FBN3: variants seen among roughly 807,000 people sequenced by gnomAD.
FBN3 encodes fibrillin 3.
Under a neutral mutation model 330.1 loss-of-function variants are expected in FBN3, and 234 were observed. The observed-to-expected ratio is 0.71, with a 90% CI of 0.64 to 0.79. The LOEUF is 0.79. Ranked by LOEUF, FBN3 falls within the 30% of genes least tolerant of loss-of-function variation. The pLI is 0.00. For missense variants in FBN3, 3,606 were observed against 3,886.9 expected, an observed-to-expected ratio of 0.93 and a Z score of 1.92; for synonymous variants, 1,458 against 1,517.3, an observed-to-expected ratio of 0.96 and a Z score of 0.91.
intron 47 of FBN3, 38 bp from the exon 48 acceptor site, chr19:8,091,628 T>C (rs766953086): frequency 1.2e-6 from 2 of 1,609,276 alleles, no homozygotes; most frequent in Non-Finnish European, 1.7e-6. Flanking sequence ...GGGGGGCAAG[T>C]AGGACCTCCA....
chr19:8,081,420 C>T lies in FBN3; in HGVS notation c.7274G>A (p.Gly2425Asp). ...TCGGGGACAGCTGCACAGGAAACTG[C>T]CCTTCGTGTTTTTGCAGAGGAAGGT... ...PCTFLCKNTK[G>D]SFLCSCPRGY... is the part of the protein sequence containing the mutation. Residue 2425 changes from glycine (G) to aspartate (D), a missense_variant, in exon 58 of 64, where the codon GGC (glycine) becomes GAC (aspartate). Transcript: ENST00000600128. The T allele has an allele frequency of 6.2e-7, 1 of 1,612,576 alleles. No homozygotes were observed. Among genetic ancestry groups the T allele is most frequent in the Non-Finnish European group, 8.5e-7 (1 of 1,179,314 alleles).
At chr19:8,141,644 T>C in intron 8 of FBN3, 73 bp downstream of exon 8, 5 of 1,529,734 alleles carry the variant, frequency 3.3e-6, no homozygotes, top group Middle Eastern at 2.2e-4. Flanking sequence ...TCTGCCTTCC[T>C]GCAGGGGAGC....
intron 45 of FBN3, 70 bp downstream of exon 45, chr19:8,095,894 A>G: frequency 1.0e-6 from 1 of 990,180 alleles, no homozygotes; most frequent in South Asian, 1.4e-5. Context: ...TCTGTGGCCA[A>G]TTTCTAGATT....
chr19:8,090,067 T>A, intron 49 of FBN3, 32 bp downstream of exon 49: 1 of 1,609,540 alleles, frequency 6.2e-7, no homozygotes. Context: ...GGGCACATCA[T>A]CCAGGGAGCC....
chr19:8,117,331 A>C (rs901762986), intron 27 of FBN3, 40 bp from the exon 28 acceptor site: 1 of 408,468 alleles, frequency 2.4e-6, no homozygotes, highest in Non-Finnish European at 4.0e-6. Flanking sequence ...GGCTGGGGGG[A>C]GGGGTCCAGG....
intron 2 of FBN3, 64 bp from the exon 3 acceptor site, chr19:8,147,250 C>T (rs1479246058): frequency 5.1e-6 from 8 of 1,559,760 alleles, no homozygotes; most frequent in East Asian, 2.4e-5. Context: ...CCGGGTATTC[C>T]GCTGGCCCCA....
Position 8,116,695 on chromosome 19 carries a change from G to A in FBN3, c.3691C>T (p.Pro1231Ser). The A allele has an allele frequency of 6.2e-7, 1 of 1,613,970 alleles. No homozygotes were observed. Among genetic ancestry groups the A allele is most frequent in the Non-Finnish European group, 8.5e-7 (1 of 1,179,930 alleles). ...TCACCAACACATGTCCTCATGTCTG[G>A]CGTGGCCATGAAGCCATCATAGCAC... ...CLCYDGFMAT[P>S]DMRTCVDVDE... is the part of the protein sequence containing the mutation. Residue 1231 changes from proline (P) to serine (S), a missense_variant, in exon 29 of 64, where the codon CCA becomes TCA. Transcript: ENST00000600128.
intron 28 of FBN3, 148 bp downstream of exon 28, chr19:8,117,021 G>A (rs1232968204): frequency 7.6e-7 from 1 of 1,315,526 alleles, no homozygotes; most frequent in Non-Finnish European, 1.0e-6. Flanking sequence ...CAGCCTGCCT[G>A]GGGCCAGGAC....
rs762405838 is a variant in FBN3 at position 8,087,169 on chromosome 19, C to T, written c.6662G>A (p.Arg2221Gln). Reference protein sequence around the residue: ...CADGQQDCHARGMECKNLIGT... With the variant: ...CADGQQDCHAQGMECKNLIGT... ...GATGAGGTTCTTGCACTCCATGCCC[C>T]GGGCGTGGCAGTCCTGCTGACCATC... Residue 2221 changes from arginine to glutamine, a missense_variant, in exon 54 of 64, where the codon CGG becomes CAG. By Grantham distance (43) the Arg-to-Gln change is conservative. Coordinates refer to ENST00000600128, the MANE Select transcript of FBN3 (RefSeq NM_032447.5). 1.1e-5 allele frequency: 18 copies of T among 1,607,208 alleles called. No homozygotes were observed. The highest frequency in any genetic ancestry group is 4.5e-5 in the East Asian group (2 of 44,602).
chr19:8,106,291 G>A, intron 37 of FBN3, 58 bp from the exon 38 acceptor site: 1 of 1,599,842 alleles, frequency 6.3e-7, no homozygotes, highest in Non-Finnish European at 8.6e-7. Context: ...GGACTTAAGG[G>A]GCACCCACAC....
In FBN3 at chr19:8,111,241, TG is replaced by T; in HGVS notation, c.4085-59del. The stretch of plus-strand genomic sequence containing the variant: ...CCGGTGGACCAGGACCCACACAGGG[TG>T]GGCAGGAGGCCCCAGTCACTGGAAC... On this transcript the variant is annotated intron_variant, in intron 32 of 63. Transcript: ENST00000600128. The T allele has an allele frequency of 2.6e-6, 4 of 1,525,932 alleles. No individual in the cohort carries two copies. In the South Asian group the frequency reaches 5.1e-5, roughly 20 times the overall value. The allele number at this position is 1,525,932 out of a possible 1,614,324, so 94.5% of individuals were successfully genotyped here.
chr19:8,066,043 C>T lies in FBN3; in HGVS notation c.8306G>A (p.Gly2769Glu). Residue 2769 changes from glycine (G) to glutamate (E), a missense_variant, in exon 64 of 64, where the codon GGG becomes GAG. By Grantham distance (98) the Gly-to-Glu change is moderately conservative. Coordinates refer to ENST00000600128, the MANE Select transcript of FBN3 (RefSeq NM_032447.5). Reference protein sequence around the residue: ...SSLQLGRRRPGPGTYRLEVVS... With the variant: ...SSLQLGRRRPEPGTYRLEVVS... ...CACCTCCAGCCGGTAGGTTCCAGGC[C>T]CCGGCCGCCTCCGCCCCAGCTGCAG... The T allele has an allele frequency of 1.2e-6, 2 of 1,613,182 alleles. No individual in the cohort carries two copies. Among genetic ancestry groups the T allele is most frequent in the Non-Finnish European group, 1.7e-6 (2 of 1,179,986 alleles).
intron 38 of FBN3, among the ~76,000 whole-genome samples, chr19:8,103,937 A>C (rs1056821504): frequency 9.9e-5 from 15 of 151,370 alleles, no homozygotes; most frequent in African/African-American, 2.9e-4. Flanking sequence ...GGAGTTCGAG[A>C]CCAGTCTGGG....
intron 63 of FBN3, 150 bp from the exon 64 acceptor site, chr19:8,066,410 T>C (rs1285656228): frequency 1.5e-6 from 1 of 651,872 alleles, no homozygotes; most frequent in African/African-American, 1.8e-5. Context: ...ATCATGCCAT[T>C]TGCAGCAACG....
chr19:8,075,961 G>A (rs1208656108), intron 59 of FBN3, among the ~76,000 whole-genome samples: 3 of 152,164 alleles, frequency 2.0e-5, no homozygotes, highest in Non-Finnish European at 4.4e-5. Context: ...CCCCCAGTGG[G>A]CTGGTATTTG....
Position 8,123,854 on chromosome 19 carries a change from G to A in FBN3, c.2886C>T (p.Phe962=), listed in dbSNP as rs2082913996. The A allele has an allele frequency of 1.2e-5, 20 of 1,612,812 alleles. No individual in the cohort carries two copies. Among genetic ancestry groups the A allele is most frequent in the Non-Finnish European group, 1.7e-5 (20 of 1,179,914 alleles). Residue 962 remains phenylalanine, a synonymous_variant, in exon 23 of 64, where the codon TTC becomes TTT. Coordinates refer to ENST00000600128, the MANE Select transcript of FBN3 (RefSeq NM_032447.5). Reference sequence around the variant, plus strand: ...CCAGCCCCCGCGGGCACAGGCTGGCGAACTCCAGAGACTCGGGATCCGGGC... The same window carrying A: ...CCAGCCCCCGCGGGCACAGGCTGGCAAACTCCAGAGACTCGGGATCCGGGC... ...EACPDPESLE[F]ASLCPRGLGF... is the part of the protein sequence containing the mutation.
At chr19:8,097,144 A>T (rs1568389071) in intron 42 of FBN3, 138 bp from the exon 43 acceptor site, 3 of 1,464,822 alleles carry the variant, frequency 2.0e-6, no homozygotes, top group Non-Finnish European at 2.8e-6. Flanking sequence ...TGGTTATATG[A>T]GATGGAGGCC....
intron 18 of FBN3, among the ~76,000 whole-genome samples, 175 bp from the exon 19 acceptor site, chr19:8,127,007 C>G (rs2083006387): frequency 6.8e-6 from 1 of 147,506 alleles, no homozygotes; most frequent in Non-Finnish European, 1.5e-5. Flanking sequence ...GTGTGCTGAG[C>G]TGTGTGTGTA....
chr19:8,105,402 CGTGAG>C (rs2082418202), intron 38 of FBN3, among the ~76,000 whole-genome samples: 3 of 151,980 alleles, frequency 2.0e-5, no homozygotes, highest in African/African-American at 7.3e-5. Flanking sequence ...GGATTACAGG[CGTGAG>C]TCACCATGCC....
Sources: allele counts gnomAD v4.1 joint callset (sites outside exome capture counted in the v4.1 genomes callset), GRCh38; gene constraint gnomAD v4.1.1; transcripts MANE v1.5; gene names NCBI Gene and HGNC (gene_info 2026-07-23, HGNC 2026-07-21).